ZNF385D: variants seen among roughly 807,000 people sequenced by gnomAD.
ZNF385D encodes zinc finger protein 385D, also known as zinc finger protein 659.
A neutral mutation model predicts 35.8 loss-of-function variants in ZNF385D; 15 were observed. That is an observed-to-expected ratio of 0.42 (90% CI 0.28 to 0.64). The LOEUF is 0.64. ZNF385D is among the 30% of genes least tolerant of loss of function. The pLI is 0.23. For missense variants in ZNF385D, 474 were observed against 494.6 expected (o/e 0.96, Z 0.39); for synonymous variants, 212 against 186.8 (o/e 1.13, Z -1.10).
chr3:21,838,270 G>A (rs1695449978), intron 3 of ZNF385D, among the ~76,000 whole-genome samples: 1 of 152,070 alleles, frequency 6.6e-6, no homozygotes, highest in Non-Finnish European at 1.5e-5. Flanking sequence ...AAATGCTATT[G>A]AGAAGCTCAA....
intron 3 of ZNF385D, among the ~76,000 whole-genome samples, chr3:22,020,234 C>T (rs1697143236): frequency 6.6e-6 from 1 of 151,762 alleles, no homozygotes; most frequent in South Asian, 2.1e-4. Flanking sequence ...GAGTTATAAA[C>T]ATAACAAGAA....
At chr3:22,013,944 C>G (rs908768572) in intron 3 of ZNF385D, among the ~76,000 whole-genome samples, 2 of 152,036 alleles carry the variant, frequency 1.3e-5, no homozygotes, top group African/African-American at 2.4e-5. Context: ...TCATCAACTG[C>G]TTTGGTCAAA....
chr3:22,214,392 T>C (rs1238750099), intron 2 of ZNF385D, among the ~76,000 whole-genome samples: 2 of 152,044 alleles, frequency 1.3e-5, no homozygotes, highest in Non-Finnish European at 2.9e-5. Flanking sequence ...TTGAACAATA[T>C]GAAATCTGGG....
chr3:22,061,337 T>G (rs1437101679), intron 3 of ZNF385D, among the ~76,000 whole-genome samples: 1 of 152,122 alleles, frequency 6.6e-6, no homozygotes, highest in Admixed American at 6.6e-5. Context: ...TCCAAATGTA[T>G]TTTAGTCCCC....
At chr3:21,797,495 C>A (rs1426242474) in intron 3 of ZNF385D, among the ~76,000 whole-genome samples, 1 of 152,132 alleles carries the variant, frequency 6.6e-6, no homozygotes, top group East Asian at 1.9e-4. Context: ...GATATCTACC[C>A]AAAGGAGTTG....
chr3:21,524,014 A>G (rs1708071430), intron 3 of ZNF385D, among the ~76,000 whole-genome samples: 1 of 152,200 alleles, frequency 6.6e-6, no homozygotes, highest in Non-Finnish European at 1.5e-5. Flanking sequence ...AGAATTGATG[A>G]TGAATTTTGA....
At chr3:21,938,795 C>T (rs1701379593) in intron 3 of ZNF385D, among the ~76,000 whole-genome samples, 1 of 152,210 alleles carries the variant, frequency 6.6e-6, no homozygotes, top group Admixed American at 6.5e-5. Flanking sequence ...AGGCTATTAT[C>T]CCACAAAGTC....
intron 3 of ZNF385D, among the ~76,000 whole-genome samples, chr3:21,984,312 A>G (rs1319605659): frequency 4.3e-5 from 6 of 140,926 alleles, no homozygotes; most frequent in Admixed American, 6.9e-5. Flanking sequence ...TAACGTTTAA[A>G]TCTTTAATCC....
chr3:22,227,188 G>A (rs1258120616), intron 2 of ZNF385D, among the ~76,000 whole-genome samples: 1 of 151,748 alleles, frequency 6.6e-6, no homozygotes, highest in Non-Finnish European at 1.5e-5. Flanking sequence ...ATGTGGGGCG[G>A]GGGGGGTGTA....
intron 2 of ZNF385D, among the ~76,000 whole-genome samples, chr3:21,588,571 A>G (rs889248003): frequency 2.0e-5 from 3 of 152,096 alleles, no homozygotes; most frequent in Admixed American, 6.6e-5. Context: ...TAAAGAAAAA[A>G]CTAAGACGTA....
chr3:22,310,496 C>A (rs1330253068), intron 2 of ZNF385D, among the ~76,000 whole-genome samples: 1 of 151,948 alleles, frequency 6.6e-6, no homozygotes, highest in Non-Finnish European at 1.5e-5. Flanking sequence ...CAGGTTTTCA[C>A]TGTTGTAAAT....
intron 2 of ZNF385D, among the ~76,000 whole-genome samples, chr3:21,587,304 A>C (rs1292488593): frequency 1.3e-5 from 2 of 152,174 alleles, no homozygotes; most frequent in African/African-American, 4.8e-5. Context: ...AAAAGACAAG[A>C]AGTTTCGTTT....
chr3:21,578,968 G>A (rs979154528), intron 2 of ZNF385D, among the ~76,000 whole-genome samples: 1 of 152,094 alleles, frequency 6.6e-6, no homozygotes. Context: ...CATTTAATTT[G>A]AACACTGTAG....
At chr3:21,506,246 C>G (rs1011662952) in intron 4 of ZNF385D, among the ~76,000 whole-genome samples, 1 of 100,816 alleles carries the variant, frequency 9.9e-6, no homozygotes. Context: ...AGAGCCTTTT[C>G]CCCTCTTCCA....
chr3:21,913,228 C>G (rs11718697), intron 3 of ZNF385D, among the ~76,000 whole-genome samples: 8,233 of 152,184 alleles, frequency 0.054, 326 homozygotes, highest in South Asian at 0.18. Context: ...AGAGAAGGAA[C>G]AGTGTCACCA....
At chr3:21,982,470 G>C (rs1293540205) in intron 3 of ZNF385D, among the ~76,000 whole-genome samples, 2 of 152,176 alleles carry the variant, frequency 1.3e-5, no homozygotes, top group South Asian at 2.1e-4. Context: ...TTATCAGTGG[G>C]AGGAGCTTTT....
At chr3:21,963,110 G>A (rs901917694) in intron 3 of ZNF385D, among the ~76,000 whole-genome samples, 1 of 152,138 alleles carries the variant, frequency 6.6e-6, no homozygotes, top group Non-Finnish European at 1.5e-5. Flanking sequence ...CCTTTCCCAA[G>A]AAATTTAATA....
rs531888171 is a variant in ZNF385D at position 22,135,548 on chromosome 3, C to G, written c.325+33269G>C. Among the ~76,000 whole-genome samples the G allele has an allele frequency of 2.8e-4, 42 of 152,290 alleles. 1 individual carries two copies. Among genetic ancestry groups the G allele is most frequent in the African/African-American group, 9.9e-4 (41 of 41,564 alleles). On this transcript the variant is annotated intron_variant, in intron 3 of 5. Coordinates refer to the ZNF385D transcript ENST00000494108. ...AGACTCAACATAGTAAAAATGTCAA[C>G]TCTTCTTAAATTGATCAATGGGTTT... is the stretch of plus-strand genomic sequence containing the variant.
At chr3:21,739,743 T>C (rs1325556747) in intron 1 of ZNF385D, among the ~76,000 whole-genome samples, 1 of 152,210 alleles carries the variant, frequency 6.6e-6, no homozygotes, top group Non-Finnish European at 1.5e-5. Flanking sequence ...CATGGTCACC[T>C]GCAATTGATC....
Sources: gnomAD v4.1 joint callset for allele counts (sites outside exome capture counted in the v4.1 genomes callset) on GRCh38, gnomAD v4.1.1 for gene constraint, MANE v1.5 for transcripts, NCBI Gene and HGNC (gene_info 2026-07-23, HGNC 2026-07-21) for gene names.